Variants in KIF26B observed in about 807,000 individuals in gnomAD.
KIF26B encodes the protein kinesin family member 26B, also known as kinesin-like protein KIF26B.
In KIF26B, 63 loss-of-function variants were observed where a neutral mutation model predicts 151.2. That is an observed-to-expected ratio of 0.42 (90% CI 0.34 to 0.51). The LOEUF (loss-of-function observed/expected upper bound fraction) is 0.51. KIF26B is among the 20% of genes least tolerant of loss of function. The probability of loss-of-function intolerance (pLI) is 0.07; values close to 1 mark genes in which losing one functional copy is unlikely to be tolerated. For synonymous variants in KIF26B, 1,357 were observed against 1,262.1 expected (o/e 1.08, Z -1.59); for missense variants, 2,813 against 2,913.6 (o/e 0.97, Z 0.79).
intron 1 of KIF26B, 24 bp from the exon 2 acceptor site, chr1:245,156,258 G>T: frequency 6.5e-7 from 1 of 1,542,108 alleles, no homozygotes. Context: ...TGCAGCCCCT[G>T]ACACCGGCGT....
intron 2 of KIF26B, among the ~76,000 whole-genome samples, chr1:245,303,074 C>T (rs895061176): frequency 4.7e-5 from 7 of 149,304 alleles, no homozygotes; most frequent in African/African-American, 1.7e-4. Flanking sequence ...ACCGGGAAAT[C>T]TGGGTTCTGT....
chr1:245,511,183 T>A (rs79838909), intron 4 of KIF26B: 3 of 454,448 alleles, frequency 6.6e-6, no homozygotes, highest in South Asian at 5.5e-5. Context: ...TTTCTTGCTA[T>A]TTTTTTTTTA....
chr1:245,513,214 C>T (rs576636900), intron 4 of KIF26B, among the ~76,000 whole-genome samples: 88 of 151,586 alleles, frequency 5.8e-4, no homozygotes, highest in African/African-American at 1.9e-3. Flanking sequence ...CTGCACCCCC[C>T]CCCAACCCCG....
intron 2 of KIF26B, among the ~76,000 whole-genome samples, chr1:245,328,315 G>A (rs1672035284): frequency 6.6e-6 from 1 of 152,118 alleles, no homozygotes; most frequent in Non-Finnish European, 1.5e-5. Flanking sequence ...AGGGTTCGTT[G>A]TGGCCTGCAG....
intron 4 of KIF26B, among the ~76,000 whole-genome samples, chr1:245,430,553 G>C (rs1276427571): frequency 6.6e-6 from 1 of 152,070 alleles, no homozygotes; most frequent in East Asian, 1.9e-4. Flanking sequence ...TGTAATCCTA[G>C]CTACTTGCGG....
chr1:245,161,365 C>T (rs1038160962), intron 2 of KIF26B, among the ~76,000 whole-genome samples: 2 of 152,172 alleles, frequency 1.3e-5, no homozygotes, highest in African/African-American at 4.8e-5. Context: ...TTGCAAAAAT[C>T]CCTGGCCTGC....
chr1:245,334,760 C>A (rs1264818674), intron 2 of KIF26B, among the ~76,000 whole-genome samples: 1 of 152,198 alleles, frequency 6.6e-6, no homozygotes, highest in Non-Finnish European at 1.5e-5. Flanking sequence ...GTGAGATGTT[C>A]TGAGCATTTT....
Position 245,422,058 on chromosome 1 carries a change from A to G in KIF26B, c.1166+2313A>G, listed in dbSNP as rs567220158. On this transcript the variant is annotated intron_variant, in intron 4 of 14. Coordinates refer to ENST00000407071, the MANE Select transcript of KIF26B (RefSeq NM_018012.4). ...AGCAGCAAACAAAGACTTGAAACTCATGACTTCAGAACGACAAGGGCTTGC... is the reference window on the plus strand; with the variant it reads ...AGCAGCAAACAAAGACTTGAAACTCGTGACTTCAGAACGACAAGGGCTTGC... 3.3e-5 allele frequency among the ~76,000 whole-genome samples: 5 copies of G among 152,280 alleles called. No homozygotes were observed. The South Asian group carries it at 1.0e-3, about 32-fold the overall frequency.
chr1:245,464,414 GGT>G (rs145956261), intron 4 of KIF26B, among the ~76,000 whole-genome samples: 4,270 of 143,008 alleles, frequency 0.03, 208 homozygotes, highest in East Asian at 0.2. Flanking sequence ...CGTATGTGGG[GGT>G]GTGTGTGGGT....
At chr1:245,474,707 G>C (rs143448803) in intron 4 of KIF26B, among the ~76,000 whole-genome samples, 1 of 151,670 alleles carries the variant, frequency 6.6e-6, no homozygotes, top group Non-Finnish European at 1.5e-5. Flanking sequence ...GCCACCGCAC[G>C]CAGCCTCAAA....
chr1:245,573,878 AG>A (rs1251771956), intron 5 of KIF26B, among the ~76,000 whole-genome samples: 4 of 152,122 alleles, frequency 2.6e-5, no homozygotes, highest in African/African-American at 7.2e-5. Context: ...GCTGGGCAAA[AG>A]GAAGACTCAC....
chr1:245,213,430 C>T lies in KIF26B; in HGVS notation c.465+56747C>T, dbSNP rs142791283. Among the ~76,000 whole-genome samples the T allele has an allele frequency of 3.3e-5, 5 of 152,354 alleles. No individual in the cohort carries two copies. The South Asian group carries it at 6.2e-4, about 19-fold the overall frequency. ...TCTTTTAGCCAAAGCTGTGTTCCCT[C>T]TCTTTCTGAGAAGAGGGATCAGCAA... On this transcript the variant is annotated intron_variant, in intron 2 of 14. Coordinates refer to ENST00000407071, the MANE Select transcript of KIF26B (RefSeq NM_018012.4).
In KIF26B at chr1:245,227,140, A is replaced by G. The variant is rs926857668; in HGVS notation, c.465+70457A>G. Reference sequence around the variant, plus strand: ...AGCTCCCTTTTCAGTACCAGGTGACATTATTACCCAGATCCAGTTGCGGAG... The same window carrying G: ...AGCTCCCTTTTCAGTACCAGGTGACGTTATTACCCAGATCCAGTTGCGGAG... On this transcript the variant is annotated intron_variant, in intron 2 of 14. Transcript: ENST00000407071. This position sits in a 1 kb window ranked among gnomAD's most constrained non-coding sequence, Gnocchi z 4.1. 2.6e-5 allele frequency among the ~76,000 whole-genome samples: 4 copies of G among 152,086 alleles called. No homozygotes were observed. The highest frequency in any genetic ancestry group is 9.7e-5 in the African/African-American group (4 of 41,420).
At chr1:245,453,124 G>A (rs72762805) in intron 4 of KIF26B, among the ~76,000 whole-genome samples, 23,271 of 151,940 alleles carry the variant, frequency 0.15, 2,024 homozygotes, top group African/African-American at 0.23. Flanking sequence ...TGAGGTAGGG[G>A]CCCAACTTCA....
At position 245,507,053 on chromosome 1, in the gene KIF26B, G is replaced by A. The variant is rs141686594; in HGVS notation, c.1167-33714G>A. On this transcript the variant is annotated intron_variant, in intron 4 of 14. Transcript: ENST00000407071. ...CTTCCTCATACCTCCCAGGAGGCCC[G>A]AGGGCTCCATTGCCTCTAATTTCCT... is the stretch of plus-strand genomic sequence containing the variant. 2.6e-4 allele frequency among the ~76,000 whole-genome samples: 39 copies of A among 152,270 alleles called. No homozygotes were observed. The East Asian group carries it at 6.8e-3, about 26-fold the overall frequency.
intron 2 of KIF26B, among the ~76,000 whole-genome samples, chr1:245,230,257 T>TA (rs1040860529): frequency 1.3e-5 from 2 of 151,794 alleles, no homozygotes; most frequent in Non-Finnish European, 2.9e-5. Context: ...GCAGCAGAGC[T>TA]AACTCCCAGC....
chr1:245,448,092 A>C (rs941442489), intron 4 of KIF26B, among the ~76,000 whole-genome samples: 13 of 152,378 alleles, frequency 8.5e-5, no homozygotes, highest in African/African-American at 3.1e-4. Context: ...GACACGTTGA[A>C]AGCACTATCC....
intron 2 of KIF26B, among the ~76,000 whole-genome samples, chr1:245,280,597 GTTTTTTTTTTT>G (rs74163033): frequency 9.6e-6 from 1 of 104,504 alleles, no homozygotes; most frequent in Non-Finnish European, 1.8e-5. Context: ...GGAAGTTTTC[GTTTTTTTTTTT>G]TTTTTTTTTT....
At chr1:245,509,755 G>T (rs992476069) in intron 4 of KIF26B, among the ~76,000 whole-genome samples, 1 of 152,198 alleles carries the variant, frequency 6.6e-6, no homozygotes, top group Non-Finnish European at 1.5e-5. Context: ...AACAGGGAGG[G>T]TTGGAGAGAC....
Sources: gnomAD v4.1 joint callset for allele counts (sites outside exome capture counted in the v4.1 genomes callset) on GRCh38, gnomAD v4.1.1 for gene constraint, Gnocchi (gnomAD v3.1) non-coding constraint, MANE v1.5 for transcripts, NCBI Gene and HGNC (gene_info 2026-07-23, HGNC 2026-07-21) for gene names.